The following GABRB1 variants were observed in gnomAD, a reference collection of about 807,000 sequenced individuals.
GABRB1 encodes gamma-aminobutyric acid receptor subunit beta-1.
In GABRB1, 17 loss-of-function variants were observed where a neutral mutation model predicts 51.6. That is an observed-to-expected ratio of 0.33 (90% CI 0.23 to 0.49). GABRB1 has a LOEUF of 0.49. Among genes scored for constraint, GABRB1 ranks in the 20% least tolerant of loss-of-function variants. The pLI, the probability that GABRB1 is intolerant of heterozygous loss-of-function variation, is 0.99. For synonymous variants in GABRB1, 247 were observed against 218.9 expected (o/e 1.13, Z -1.14); for missense variants, 410 against 600.6 (o/e 0.68, Z 3.32).
At chr4:47,247,598 GA>G (rs1345950094) in intron 4 of GABRB1, among the ~76,000 whole-genome samples, 4 of 151,912 alleles carry the variant, frequency 2.6e-5, no homozygotes, top group Non-Finnish European at 2.9e-5. Context: ...TGAATTTGTA[GA>G]TTTTTTTTTG....
chr4:47,101,266 C>A lies in GABRB1; in HGVS notation c.241-59983C>A, dbSNP rs114828323. Among the ~76,000 whole-genome samples, 1,199 of 151,896 alleles carry A rather than the reference C, an allele frequency of 7.9e-3. 14 individuals are homozygous for A. The highest frequency in any genetic ancestry group is 0.028 in the African/African-American group (1,141 of 41,436). ...TAAGTACATGAATCATGCATGAAAC[C>A]AAATTATTACAATAAAATCAAAAGT... On this transcript the variant is annotated intron_variant, in intron 3 of 8. Transcript: ENST00000295454.
chr4:47,328,534 T>C (rs1420118038), intron 5 of GABRB1, among the ~76,000 whole-genome samples: 1 of 152,190 alleles, frequency 6.6e-6, no homozygotes, highest in East Asian at 1.9e-4. Context: ...CCAACAATGA[T>C]AGACTGCATT....
chr4:47,224,930 T>C (rs1720896275), intron 4 of GABRB1, among the ~76,000 whole-genome samples: 1 of 152,176 alleles, frequency 6.6e-6, no homozygotes, highest in South Asian at 2.1e-4. Context: ...GTTTCATTCT[T>C]GTTGCTCAGG....
chr4:47,006,667 T>C lies in GABRB1; in HGVS notation c.-20+12741T>C, dbSNP rs573824033. Among the ~76,000 whole-genome samples, 35 of 152,362 alleles carry C rather than the reference T, an allele frequency of 2.3e-4. No individual in the cohort carries two copies. In the South Asian group the frequency reaches 5.0e-3, roughly 22 times the overall value. On this transcript the variant is annotated intron_variant, in intron 1 of 3. Coordinates refer to the GABRB1 transcript ENST00000513567. ...GCATAAGGTTCTGTAACTAACATGT[T>C]ATTTTCAACATATTTGGCTTTTCTT...
intron 5 of GABRB1, among the ~76,000 whole-genome samples, chr4:47,327,272 C>G (rs891129002): frequency 6.0e-5 from 9 of 150,616 alleles, no homozygotes; most frequent in Non-Finnish European, 1.2e-4. Flanking sequence ...GGGAGGATCA[C>G]TTGACTCCAG....
chr4:47,281,485 G>C (rs1345273759), intron 4 of GABRB1, among the ~76,000 whole-genome samples: 1 of 151,988 alleles, frequency 6.6e-6, no homozygotes, highest in Non-Finnish European at 1.5e-5. Flanking sequence ...AAAATGTATG[G>C]GGGCTCCTTA....
intron 3 of GABRB1, among the ~76,000 whole-genome samples, chr4:47,044,440 T>C: frequency 6.6e-6 from 1 of 152,064 alleles, no homozygotes; most frequent in African/African-American, 2.4e-5. Context: ...CAGGATGATG[T>C]TGTATCCTAA....
chr4:47,326,966 A>G (rs1725284614), intron 5 of GABRB1, among the ~76,000 whole-genome samples: 1 of 152,174 alleles, frequency 6.6e-6, no homozygotes, highest in South Asian at 2.1e-4. Context: ...CCATTCAATC[A>G]CTAAACCTAG....
At chr4:47,217,697 C>T (rs576171632) in intron 4 of GABRB1, among the ~76,000 whole-genome samples, 4 of 151,024 alleles carry the variant, frequency 2.6e-5, no homozygotes, top group Admixed American at 2.0e-4. Context: ...TTTTTTCTTT[C>T]TCTCTTTTTT....
intron 5 of GABRB1, among the ~76,000 whole-genome samples, chr4:47,361,631 A>G (rs890649324): frequency 2.6e-5 from 4 of 152,180 alleles, no homozygotes; most frequent in Non-Finnish European, 5.9e-5. Flanking sequence ...CATCTGCCAA[A>G]TATGACAAAA....
intron 4 of GABRB1, among the ~76,000 whole-genome samples, chr4:47,164,756 T>C (rs939987591): frequency 1.3e-5 from 2 of 152,076 alleles, no homozygotes; most frequent in Non-Finnish European, 2.9e-5. Flanking sequence ...GTGAACTATG[T>C]CAATTCATAT....
chr4:47,027,186 A>G (rs1291528681), upstream of GABRB1, among the ~76,000 whole-genome samples: 1 of 151,652 alleles, frequency 6.6e-6, no homozygotes, highest in African/African-American at 2.4e-5. Flanking sequence ...ACAAAATATC[A>G]TATTTATTTG....
At chr4:47,328,213 C>T (rs1301451866) in intron 5 of GABRB1, among the ~76,000 whole-genome samples, 2 of 151,934 alleles carry the variant, frequency 1.3e-5, no homozygotes, top group Admixed American at 6.6e-5. Context: ...TGGATATTAG[C>T]CCTTTGTCAG....
At chr4:47,290,238 T>C (rs1275539464) in intron 4 of GABRB1, among the ~76,000 whole-genome samples, 2 of 152,166 alleles carry the variant, frequency 1.3e-5, no homozygotes, top group Non-Finnish European at 2.9e-5. Flanking sequence ...GGTCTTTCCA[T>C]TGCTGTTCTC....
intron 4 of GABRB1, among the ~76,000 whole-genome samples, chr4:47,227,623 G>A (rs1226433251): frequency 6.6e-6 from 1 of 152,070 alleles, no homozygotes; most frequent in Admixed American, 6.6e-5. Flanking sequence ...AACAGAGTAG[G>A]ACTTTTGTAC....
At chr4:47,417,704 C>G (rs1728975612) in intron 8 of GABRB1, among the ~76,000 whole-genome samples, 1 of 152,204 alleles carries the variant, frequency 6.6e-6, no homozygotes, top group South Asian at 2.1e-4. Context: ...CTCCACTTCA[C>G]TTGGTTTCCT....
At chr4:47,319,286 A>G (rs1314080840) in intron 4 of GABRB1, among the ~76,000 whole-genome samples, 1 of 152,082 alleles carries the variant, frequency 6.6e-6, no homozygotes, top group Non-Finnish European at 1.5e-5. Context: ...TGATATATTT[A>G]CATATACATT....
chr4:47,394,136 T>C (rs1445391520), intron 5 of GABRB1, among the ~76,000 whole-genome samples: 1 of 152,214 alleles, frequency 6.6e-6, no homozygotes, highest in African/African-American at 2.4e-5. Context: ...CCAGCATCAC[T>C]GATGGGTGAC....
At chr4:47,138,213 A>G (rs1716760422) in intron 3 of GABRB1, among the ~76,000 whole-genome samples, 1 of 152,050 alleles carries the variant, frequency 6.6e-6, no homozygotes, top group Non-Finnish European at 1.5e-5. Context: ...CTCATTGTAG[A>G]TGTCTCAATA....
Sources: allele counts gnomAD v4.1 joint callset (sites outside exome capture counted in the v4.1 genomes callset), GRCh38; gene constraint gnomAD v4.1.1; transcripts MANE v1.5; gene names NCBI Gene and HGNC (gene_info 2026-07-23, HGNC 2026-07-21).